The following NRG1 variants were observed in gnomAD, a reference collection of about 807,000 sequenced individuals.
NRG1 encodes the protein pro-neuregulin-1, membrane-bound isoform.
A neutral mutation model predicts 63.8 loss-of-function variants in NRG1; 18 were observed. The observed-to-expected ratio is 0.28, with a 90% CI of 0.19 to 0.42. NRG1 has a LOEUF of 0.42. Among genes scored for constraint, NRG1 ranks in the 10% least tolerant of loss-of-function variants. The probability of loss-of-function intolerance (pLI) is 1.00; values close to 1 mark genes in which losing one functional copy is unlikely to be tolerated. For synonymous variants in NRG1, 302 were observed against 301.3 expected (o/e 1.00, Z -0.02); for missense variants, 762 against 814.7 (o/e 0.94, Z 0.79).
chr8:32,037,046 T>G (rs1258846576), intron 1 of NRG1, among the ~76,000 whole-genome samples: 2 of 152,210 alleles, frequency 1.3e-5, no homozygotes, highest in African/African-American at 4.8e-5. Flanking sequence ...GTTTTTGCAT[T>G]GATTCTTTCT....
At chr8:31,680,123 ATTGT>A (rs1798222555) in intron 1 of NRG1, among the ~76,000 whole-genome samples, 1 of 151,766 alleles carries the variant, frequency 6.6e-6, no homozygotes, top group Non-Finnish European at 1.5e-5. Context: ...TTCTCCTAAA[ATTGT>A]TTATTTTTAT....
At chr8:32,127,851 A>T (rs1834303375) in intron 1 of NRG1, among the ~76,000 whole-genome samples, 1 of 151,752 alleles carries the variant, frequency 6.6e-6, no homozygotes. Flanking sequence ...GCTTGAGCCC[A>T]GAGTTTAAGG....
At chr8:31,938,801 GAAGA>G (rs1214433447) in intron 1 of NRG1, among the ~76,000 whole-genome samples, 2 of 152,158 alleles carry the variant, frequency 1.3e-5, no homozygotes, top group African/African-American at 4.8e-5. Flanking sequence ...CAAACAGGCA[GAAGA>G]AAGAACTTCT....
chr8:31,826,515 T>C (rs574640848), intron 1 of NRG1, among the ~76,000 whole-genome samples: 1 of 152,354 alleles, frequency 6.6e-6, no homozygotes, highest in East Asian at 1.9e-4. Flanking sequence ...TCCCCAGCCA[T>C]GTGGAATTGT....
chr8:32,661,700 T>C (rs905301933), intron 5 of NRG1, among the ~76,000 whole-genome samples: 1 of 152,128 alleles, frequency 6.6e-6, no homozygotes, highest in Non-Finnish European at 1.5e-5. Flanking sequence ...CTTTATTTTT[T>C]CTGTTGTTCT....
At chr8:32,424,660 A>G (rs1394961108) in intron 1 of NRG1, among the ~76,000 whole-genome samples, 4 of 152,156 alleles carry the variant, frequency 2.6e-5, no homozygotes, top group Non-Finnish European at 4.4e-5. Flanking sequence ...GCTTGAGCCC[A>G]GAAGTTCAAG....
In NRG1 at chr8:32,633,675, T is replaced by G. The variant is rs563031309; in HGVS notation, c.502+16790T>G. On this transcript the variant is annotated intron_variant, in intron 5 of 11. Coordinates refer to ENST00000356819, the Ensembl canonical transcript of NRG1. ...AGTCTGCCTTTGTGCCCACCTAAGATTAGGAAAACTAAATCTTCCACTAGA... is the reference window on the plus strand; with the variant it reads ...AGTCTGCCTTTGTGCCCACCTAAGAGTAGGAAAACTAAATCTTCCACTAGA... Among the ~76,000 whole-genome samples, 180 of 152,264 alleles carry G rather than the reference T, an allele frequency of 1.2e-3. 1 individual carries two copies. Among genetic ancestry groups the G allele is most frequent in the Middle Eastern group, 3.4e-3 (1 of 294 alleles).
At chr8:31,774,079 T>C (rs1446333867) in intron 1 of NRG1, among the ~76,000 whole-genome samples, 1 of 152,084 alleles carries the variant, frequency 6.6e-6, no homozygotes, top group African/African-American at 2.4e-5. Context: ...AGGAACCAAG[T>C]GTGATCTGGC....
intron 1 of NRG1, among the ~76,000 whole-genome samples, chr8:31,649,169 G>C (rs1432887067): frequency 6.6e-6 from 1 of 152,120 alleles, no homozygotes; most frequent in Non-Finnish European, 1.5e-5. Flanking sequence ...TGGCCAGGCA[G>C]GTCTTGAACT....
At chr8:32,768,453 G>A (rs559996788), downstream of NRG1, among the ~76,000 whole-genome samples, 90 of 152,256 alleles carry the variant, frequency 5.9e-4, 1 homozygote, top group African/African-American at 1.9e-3. Flanking sequence ...TATACCATCC[G>A]CTAATGACTT....
At chr8:31,963,124 C>T (rs1332971476) in intron 1 of NRG1, among the ~76,000 whole-genome samples, 4 of 152,204 alleles carry the variant, frequency 2.6e-5, no homozygotes, top group African/African-American at 9.7e-5. Context: ...TTACAATCAT[C>T]TGTCAATGCC....
At position 31,640,016 on chromosome 8, in the gene NRG1, G is replaced by A; in HGVS notation, c.37+585G>A. ...TGGCGACGCGCCCCGCGCCGCTCCG[G>A]GCGTCCCGGCCCCCGGGCCCAGCGC... is the stretch of plus-strand genomic sequence containing the variant. On this transcript the variant is annotated intron_variant, in intron 1 of 10. Transcript: ENST00000519301. The surrounding 1 kb of genome is among the most constrained non-coding windows in gnomAD (Gnocchi z 6.3). The A allele has an allele frequency of 8.8e-7, 1 of 1,133,268 alleles. No individual in the cohort carries two copies. The highest frequency in any genetic ancestry group is 1.1e-6 in the Non-Finnish European group (1 of 926,842). 70.2% of individuals were successfully genotyped at this position (1,133,268 alleles called of 1,614,324 possible).
At chr8:31,842,073 A>G (rs1031171066) in intron 1 of NRG1, among the ~76,000 whole-genome samples, 5 of 152,190 alleles carry the variant, frequency 3.3e-5, no homozygotes, top group Non-Finnish European at 7.4e-5. Flanking sequence ...AAACCTTGTT[A>G]TTCCATAATG....
At chr8:31,903,228 A>G (rs1379387381) in intron 1 of NRG1, among the ~76,000 whole-genome samples, 5 of 146,176 alleles carry the variant, frequency 3.4e-5, no homozygotes, top group African/African-American at 1.3e-4. Flanking sequence ...GGCTCACTGC[A>G]AGCTCTGCCT....
At chr8:32,140,745 G>C (rs1221768219) in intron 1 of NRG1, among the ~76,000 whole-genome samples, 1 of 152,130 alleles carries the variant, frequency 6.6e-6, no homozygotes, top group Admixed American at 6.5e-5. Context: ...TTACAGACAT[G>C]AGCCACCCAT....
At chr8:32,411,840 T>A (rs1316062011) in intron 1 of NRG1, among the ~76,000 whole-genome samples, 1 of 152,218 alleles carries the variant, frequency 6.6e-6, no homozygotes, top group Non-Finnish European at 1.5e-5. Context: ...CTAGCCATCT[T>A]ATTCTAAAAA....
intron 1 of NRG1, among the ~76,000 whole-genome samples, chr8:32,131,243 G>A (rs1220830381): frequency 6.6e-6 from 1 of 151,944 alleles, no homozygotes; most frequent in Non-Finnish European, 1.5e-5. Context: ...TGAAAATGCA[G>A]TTATGCTCTC....
intron 1 of NRG1, among the ~76,000 whole-genome samples, chr8:31,732,811 C>T: frequency 6.6e-6 from 1 of 152,134 alleles, no homozygotes; most frequent in Non-Finnish European, 1.5e-5. Context: ...AGGAGAATTG[C>T]TTGAACCCAG....
At chr8:32,341,801 G>A (rs1804117575) in intron 1 of NRG1, among the ~76,000 whole-genome samples, 1 of 152,080 alleles carries the variant, frequency 6.6e-6, no homozygotes, top group Admixed American at 6.6e-5. Flanking sequence ...CAAGTATAGA[G>A]TATTTCTGAG....
Sources: gnomAD v4.1 joint callset for allele counts (sites outside exome capture counted in the v4.1 genomes callset) on GRCh38, gnomAD v4.1.1 for gene constraint, Gnocchi (gnomAD v3.1) non-coding constraint, MANE v1.5 for transcripts, NCBI Gene and HGNC (gene_info 2026-07-23, HGNC 2026-07-21) for gene names.